Variants in NR2C2AP observed in about 807,000 individuals in gnomAD.
NR2C2AP encodes nuclear receptor 2C2 associated protein.
A neutral mutation model predicts 19.1 loss-of-function variants in NR2C2AP; 13 were observed. That is an observed-to-expected ratio of 0.68 (90% CI 0.44 to 1.08). The LOEUF is 1.08. Ranked by LOEUF, NR2C2AP falls within the 50% of genes least tolerant of loss-of-function variation. The pLI, the probability that NR2C2AP is intolerant of heterozygous loss-of-function variation, is 0.00. For synonymous variants in NR2C2AP, 81 were observed against 64.4 expected, an observed-to-expected ratio of 1.26 and a Z score of -1.23; for missense variants, 181 against 172.7, an observed-to-expected ratio of 1.05 and a Z score of -0.27.
Position 19,202,337 on chromosome 19 carries a change from CG to C in NR2C2AP, c.296del (p.Ser99CysfsTer15). The C allele has an allele frequency of 6.2e-7, 1 of 1,614,124 alleles. No individual in the cohort carries two copies. Among genetic ancestry groups the C allele is most frequent in the Non-Finnish European group, 8.5e-7 (1 of 1,179,966 alleles). ...AGAAGCAGGGGCAGGATATCTGAAG[CG>C]AGTTGTTGTCCTCAGGGTAGAAATC... ...IVDFYPEDNN[S>X]LQTFPIPAAE... On this transcript the variant is annotated frameshift_variant, in exon 4 of 5. Transcript: ENST00000331552. LOFTEE classifies it high-confidence loss of function.
At position 19,202,789 on chromosome 19, in the gene NR2C2AP, A is replaced by C; in HGVS notation, c.129+2T>G. 6.2e-7 allele frequency: 1 copy of C among 1,613,238 alleles called. No homozygotes were observed. Among genetic ancestry groups the C allele is most frequent in the Non-Finnish European group, 8.5e-7 (1 of 1,179,440 alleles). On this transcript the variant is annotated splice_donor_variant, in intron 2 of 4. Transcript: ENST00000331552. LOFTEE classifies it high-confidence loss of function. Reference sequence around the variant, plus strand: ...GATGGAGGGTCGAGGGAGGCGCCTCACCTGGTCTGAGTTCCAACATGTCTC... The same window carrying C: ...GATGGAGGGTCGAGGGAGGCGCCTCCCCTGGTCTGAGTTCCAACATGTCTC...
intron 2 of NR2C2AP, 97 bp downstream of exon 2, chr19:19,202,694 C>T: frequency 7.1e-7 from 1 of 1,417,360 alleles, no homozygotes; most frequent in Non-Finnish European, 9.9e-7. Flanking sequence ...GCACATGTTC[C>T]TTTCCTGGCC....
chr19:19,202,265 G>A lies in NR2C2AP; in HGVS notation c.303+66C>T, dbSNP rs76751042. ...AGATCACACATCAGGGTTCCCATTC[G>A]GGTTTGGGTGAGTCCAAAGCTTCCA... On this transcript the variant is annotated intron_variant, in intron 4 of 4. Coordinates refer to ENST00000331552, the MANE Select transcript of NR2C2AP (RefSeq NM_176880.6). 1.8e-3 allele frequency: 2,724 copies of A among 1,485,660 alleles called. 73 individuals are homozygous for A. In the East Asian group the frequency reaches 0.051, roughly 28 times the overall value. The allele number at this position is 1,485,660 out of a possible 1,614,324, so 92.0% of individuals were successfully genotyped here. A position where few individuals can be genotyped will look rare whatever the true frequency, so the allele number is the denominator to read the frequency against.
In NR2C2AP at chr19:19,202,349, C is replaced by T; in HGVS notation, c.285G>A (p.Glu95=). 2 of 1,614,192 alleles carry T rather than the reference C, an allele frequency of 1.2e-6. No homozygotes were observed. Among genetic ancestry groups the T allele is most frequent in the Non-Finnish European group, 1.7e-6 (2 of 1,180,034 alleles). ...ALHKIVDFYP[E]DNNSLQTFPI... Reference sequence around the variant, plus strand: ...AGGATATCTGAAGCGAGTTGTTGTCCTCAGGGTAGAAATCTACAATCTTGT... The same window carrying T: ...AGGATATCTGAAGCGAGTTGTTGTCTTCAGGGTAGAAATCTACAATCTTGT... Residue 95 remains glutamate, a synonymous_variant, in exon 4 of 5, where the codon GAG becomes GAA. Coordinates refer to ENST00000331552, the MANE Select transcript of NR2C2AP (RefSeq NM_176880.6).
Position 19,203,362 on chromosome 19 carries a change from G to A in NR2C2AP, c.-302C>T, listed in dbSNP as rs1380878202. The stretch of plus-strand genomic sequence containing the variant: ...TCGGGGGCGGTGGCTTTTTGTGCGA[G>A]GCTGTTTCTCTGCGAATAGCTCTTG... On this transcript the variant is annotated 5_prime_UTR_variant, in exon 1 of 5. Coordinates refer to ENST00000331552, the MANE Select transcript of NR2C2AP (RefSeq NM_176880.6). 1 of 506,416 alleles carries A rather than the reference G, an allele frequency of 2.0e-6. No homozygotes were observed. The highest frequency in any genetic ancestry group is 3.6e-6 in the Non-Finnish European group (1 of 278,006). 31.4% of individuals were successfully genotyped at this position (506,416 alleles called of 1,614,324 possible). A position where few individuals can be genotyped will look rare whatever the true frequency, so the allele number is the denominator to read the frequency against.
At chr19:19,202,065 A>C in intron 4 of NR2C2AP, 24 bp from the exon 5 acceptor site, 1 of 1,613,080 alleles carries the variant, frequency 6.2e-7, no homozygotes. Flanking sequence ...GTCAAGGGAA[A>C]CTGGTGATTT....
Position 19,201,608 on chromosome 19 carries a change from G to T in NR2C2AP, c.*317C>A. The T allele has an allele frequency of 1.2e-6, 2 of 1,613,418 alleles. No homozygotes were observed. The highest frequency in any genetic ancestry group is 1.7e-6 in the Non-Finnish European group (2 of 1,179,974). On this transcript the variant is annotated 3_prime_UTR_variant, in exon 5 of 5. Transcript: ENST00000331552. ...TGGCCTGTGCCTCCACCCCACTCCC[G>T]ATTCAAGCTCACAGCCCACCTTTTC...
rs373232523 is a variant in NR2C2AP, at chr19:19,203,097, G to A, written c.-37C>T. 2.5e-6 allele frequency: 4 copies of A among 1,612,140 alleles called. No homozygotes were observed. The highest frequency in any genetic ancestry group is 3.4e-6 in the Non-Finnish European group (4 of 1,178,654). The stretch of plus-strand genomic sequence containing the variant: ...AAGACCTCGCAGGGCTTAGGATTGG[G>A]CACAGCCTTGGTTCGAATCCCGGCG... On this transcript the variant is annotated 5_prime_UTR_variant, in exon 1 of 5. Coordinates refer to ENST00000331552, the MANE Select transcript of NR2C2AP (RefSeq NM_176880.6).
Position 19,201,575 on chromosome 19 carries a change from G to A in NR2C2AP, c.*350C>T. ...TCCCTGTTTGTCCCCTAAGGGGAGA[G>A]CGCAGGTTGGCCTGTGCCTCCACCC... On this transcript the variant is annotated 3_prime_UTR_variant, in exon 5 of 5. Transcript: ENST00000331552. 1 of 1,610,796 alleles carries A rather than the reference G, an allele frequency of 6.2e-7. No individual in the cohort carries two copies. The highest frequency in any genetic ancestry group is 8.5e-7 in the Non-Finnish European group (1 of 1,179,898).
chr19:19,202,099 C>T (rs567107133), intron 4 of NR2C2AP, 58 bp from the exon 5 acceptor site: 87 of 1,577,524 alleles, frequency 5.5e-5, no homozygotes, highest in Non-Finnish European at 6.8e-5. Context: ...CGCAGGCCCC[C>T]ACCCCTTCCA....
chr19:19,203,077 C>T lies in NR2C2AP; in HGVS notation c.-17G>A, dbSNP rs776990604. On this transcript the variant is annotated 5_prime_UTR_variant, in exon 1 of 5. Coordinates refer to ENST00000331552, the MANE Select transcript of NR2C2AP (RefSeq NM_176880.6). ...GTGGGTCATGTCGGTTCCACAAGAC[C>T]TCGCAGGGCTTAGGATTGGGCACAG... The T allele has an allele frequency of 1.7e-5, 28 of 1,613,758 alleles. No individual in the cohort carries two copies. The South Asian group carries it at 2.5e-4, about 15-fold the overall frequency.
rs1038331063 is a variant in NR2C2AP at position 19,203,385 on chromosome 19, T to C, written c.-325A>G. On this transcript the variant is annotated 5_prime_UTR_variant, in exon 1 of 5. Coordinates refer to ENST00000331552, the MANE Select transcript of NR2C2AP (RefSeq NM_176880.6). ...GAGGCTGTTTCTCTGCGAATAGCTC[T>C]TGGAGCCAAATCTTGGGACCCGGAA... The C allele has an allele frequency of 1.3e-5, 6 of 448,690 alleles. No individual in the cohort carries two copies. The highest frequency in any genetic ancestry group is 9.9e-5 in the African/African-American group (5 of 50,450). The allele number at this position is 448,690 out of a possible 1,614,324, so 27.8% of individuals were successfully genotyped here.
rs879174733 is a variant in NR2C2AP, at chr19:19,201,894, G to A, written c.*31C>T. 1 of 1,613,764 alleles carries A rather than the reference G, an allele frequency of 6.2e-7. No individual in the cohort carries two copies. The highest frequency in any genetic ancestry group is 1.3e-5 in the African/African-American group (1 of 74,906). ...AGGGACTTTGCTGTGCTTCCCGGAGGGCTTCCTGGAGGAGACAGCCCCTAG... is the reference window on the plus strand; with the variant it reads ...AGGGACTTTGCTGTGCTTCCCGGAGAGCTTCCTGGAGGAGACAGCCCCTAG... On this transcript the variant is annotated 3_prime_UTR_variant, in exon 5 of 5. Coordinates refer to ENST00000331552, the MANE Select transcript of NR2C2AP (RefSeq NM_176880.6).
chr19:19,201,702 C>T lies in NR2C2AP; in HGVS notation c.*223G>A, dbSNP rs759707164. ...CAAGCTCTTCCAGAGCAACCTGGTGCCCGCTGACCCTGAGTGAAGGCCGCC... is the reference window on the plus strand; with the variant it reads ...CAAGCTCTTCCAGAGCAACCTGGTGTCCGCTGACCCTGAGTGAAGGCCGCC... On this transcript the variant is annotated 3_prime_UTR_variant, in exon 5 of 5. Coordinates refer to ENST00000331552, the MANE Select transcript of NR2C2AP (RefSeq NM_176880.6). 5.7e-5 allele frequency: 92 copies of T among 1,613,974 alleles called. No individual in the cohort carries two copies. Among genetic ancestry groups the T allele is most frequent in the Non-Finnish European group, 6.6e-5 (78 of 1,180,030 alleles).
At chr19:19,202,143 TGGG>T in intron 4 of NR2C2AP, 102 bp from the exon 5 acceptor site, 1 of 1,306,854 alleles carries the variant, frequency 7.7e-7, no homozygotes, top group Non-Finnish European at 1.1e-6. Context: ...GTGGGCAACC[TGGG>T]GAAGCTGCAG....
rs754118411 is a variant in NR2C2AP, at chr19:19,202,519, C to T, written c.186G>A (p.Leu62=). 2.0e-5 allele frequency: 32 copies of T among 1,613,936 alleles called. No homozygotes were observed. The highest frequency in any genetic ancestry group is 2.7e-5 in the Non-Finnish European group (32 of 1,180,014). The change falls in exon 3 of 5, where the codon CTG becomes CTA. Residue 62 remains leucine, a synonymous_variant. Coordinates refer to ENST00000331552, the MANE Select transcript of NR2C2AP (RefSeq NM_176880.6). ...EFPQLIRVSQ[L]QIQFQGGFSS... Reference sequence around the variant, plus strand: ...AGAAGCCACCCTGAAACTGGATCTGCAGCTGGGAGACACGGATGAGCTGGG... The same window carrying T: ...AGAAGCCACCCTGAAACTGGATCTGTAGCTGGGAGACACGGATGAGCTGGG...
intron 4 of NR2C2AP, 96 bp from the exon 5 acceptor site, chr19:19,202,137 G>T (rs1163233393): frequency 2.2e-6 from 3 of 1,375,068 alleles, no homozygotes; most frequent in East Asian, 4.6e-5. Flanking sequence ...ACCGATGTGG[G>T]CAACCTGGGG....
At chr19:19,202,071 G>T in intron 4 of NR2C2AP, 30 bp from the exon 5 acceptor site, 1 of 1,609,394 alleles carries the variant, frequency 6.2e-7, no homozygotes, top group South Asian at 1.1e-5. Context: ...GGAAACTGGT[G>T]ATTTCTGGTT....
intron 4 of NR2C2AP, 47 bp downstream of exon 4, chr19:19,202,284 G>A (rs761401379): frequency 6.3e-6 from 10 of 1,585,004 alleles, no homozygotes; most frequent in Non-Finnish European, 7.8e-6. Flanking sequence ...TGAGTCCAAA[G>A]CTTCCAGAGG....
Sources: gnomAD v4.1 joint callset for allele counts on GRCh38, gnomAD v4.1.1 for gene constraint, MANE v1.5 for transcripts, NCBI Gene and HGNC (gene_info 2026-07-23, HGNC 2026-07-21) for gene names.